The following SLC25A20 variants were observed in gnomAD, a reference collection of about 807,000 sequenced individuals.
SLC25A20 encodes solute carrier family 25 member 20, also known as mitochondrial carnitine/acylcarnitine carrier protein.
Under a neutral mutation model 39.7 loss-of-function variants are expected in SLC25A20, and 29 were observed. The ratio of observed to expected loss-of-function variants is 0.73; its 90% CI spans 0.54 to 1.00. The LOEUF is 1.00. Among genes scored for constraint, SLC25A20 ranks in the 50% least tolerant of loss-of-function variants. The pLI is 0.00. For missense variants in SLC25A20, 333 were observed against 379.9 expected (o/e 0.88, Z 1.03); for synonymous variants, 103 against 142.2 (o/e 0.72, Z 1.96).
rs1284938291 is a variant in SLC25A20 at position 48,884,037 on chromosome 3, C to T, written c.286G>A (p.Gly96Arg). ...GGGTGTTTCTGTTGTAGTTTCTTCC[C>T]CAAACCAAACCCAAAGAAGCACACG... ...FAVCFFGFGL[G>R]KKLQQKHPED... is the part of the protein sequence containing the mutation. The change falls in exon 3 of 9, where the codon GGG becomes AGG. Residue 96 changes from glycine to arginine, a missense_variant. Coordinates refer to ENST00000319017, the MANE Select transcript of SLC25A20 (RefSeq NM_000387.6). 2 of 1,613,774 alleles carry T rather than the reference C, an allele frequency of 1.2e-6. No homozygotes were observed. Among genetic ancestry groups the T allele is most frequent in the Non-Finnish European group, 1.7e-6 (2 of 1,179,920 alleles).
chr3:48,872,874 C>T (rs2083727025), intron 4 of SLC25A20, among the ~76,000 whole-genome samples: 1 of 151,334 alleles, frequency 6.6e-6, no homozygotes, highest in South Asian at 2.1e-4. Context: ...AAAACAAAAA[C>T]AAATTGACTC....
At chr3:48,859,239 C>A in intron 6 of SLC25A20, 38 bp from the exon 7 acceptor site, 2 of 1,569,364 alleles carry the variant, frequency 1.3e-6, no homozygotes, top group Non-Finnish European at 1.8e-6. Flanking sequence ...TAGACAAAGG[C>A]TGTGAGAGTG....
chr3:48,862,545 G>T lies in SLC25A20; in HGVS notation c.532C>A (p.Arg178=), dbSNP rs778220325. 12 of 1,607,198 alleles carry T rather than the reference G, an allele frequency of 7.5e-6. No homozygotes were observed. Among genetic ancestry groups the T allele is most frequent in the Non-Finnish European group, 1.0e-5 (12 of 1,173,802 alleles). ...AAGTGGAGGCCTGAAAGGTTACCTC[G>T]CATAAGGGTAAGCACAGTCCCTTTG... ...IYKGTVLTLM[R]DVPASGMYFM... is the part of the protein sequence containing the mutation. The change falls in exon 5 of 9, where the codon CGA becomes AGA. Residue 178 remains arginine (R), a synonymous_variant. Transcript: ENST00000319017.
chr3:48,891,503 G>A (rs1260012389), intron 2 of SLC25A20, among the ~76,000 whole-genome samples: 1 of 152,060 alleles, frequency 6.6e-6, no homozygotes, highest in African/African-American at 2.4e-5. Flanking sequence ...GAGTGGCTGG[G>A]ACTACAGATG....
rs1275990804 is a variant in SLC25A20, at chr3:48,858,494, G to A, written c.843+13C>T. 6.2e-7 allele frequency: 1 copy of A among 1,614,004 alleles called. No individual in the cohort carries two copies. The highest frequency in any genetic ancestry group is 2.2e-5 in the East Asian group (1 of 44,902). On this transcript the variant is annotated intron_variant, in intron 8 of 8. Coordinates refer to ENST00000319017, the MANE Select transcript of SLC25A20 (RefSeq NM_000387.6). ...AGCCCCAGAGGGAAAGCACAGCCCTGCCAGCTACTCACCGCATTGGCTGGG... is the reference window on the plus strand; with the variant it reads ...AGCCCCAGAGGGAAAGCACAGCCCTACCAGCTACTCACCGCATTGGCTGGG...
Position 48,861,464 on chromosome 3 carries a change from C to T in SLC25A20, c.535+1078G>A, listed in dbSNP as rs182512126. Among the ~76,000 whole-genome samples the T allele has an allele frequency of 1.9e-3, 289 of 152,282 alleles. 3 individuals are homozygous for T. Among genetic ancestry groups the T allele is most frequent in the African/African-American group, 6.4e-3 (264 of 41,566 alleles). On this transcript the variant is annotated intron_variant, in intron 5 of 8. Coordinates refer to ENST00000319017, the MANE Select transcript of SLC25A20 (RefSeq NM_000387.6). ...TCCCTCAGCTGGGCTTAGTGGCTCACGCCTATAATCCTAGCACTTTGGGAG... is the reference window on the plus strand; with the variant it reads ...TCCCTCAGCTGGGCTTAGTGGCTCATGCCTATAATCCTAGCACTTTGGGAG...
chr3:48,873,627 AAAAT>A lies in SLC25A20; in HGVS notation c.417+5727_417+5730del, dbSNP rs1182142277. On this transcript the variant is annotated intron_variant, in intron 4 of 8. Transcript: ENST00000319017. ...ATGCCTTAAAAAAAACAAATAAAAT[AAAAT>A]AAAACTTGTAAAAAAAAAAACAAGA... 4.6e-5 allele frequency among the ~76,000 whole-genome samples: 7 copies of A among 151,378 alleles called. No homozygotes were observed. In the East Asian group the frequency reaches 1.4e-3, roughly 30 times the overall value.
chr3:48,886,016 A>C (rs1257518024), intron 2 of SLC25A20, among the ~76,000 whole-genome samples: 2 of 152,184 alleles, frequency 1.3e-5, no homozygotes, highest in Non-Finnish European at 2.9e-5. Context: ...AAGAAGTTAC[A>C]CAAGGAATGG....
chr3:48,871,032 G>A (rs997351249), intron 4 of SLC25A20, among the ~76,000 whole-genome samples: 1 of 150,546 alleles, frequency 6.6e-6, no homozygotes, highest in African/African-American at 2.4e-5. Context: ...TGCCATATTG[G>A]CCAGGCTGGT....
chr3:48,863,779 G>A (rs2083644178), intron 4 of SLC25A20, among the ~76,000 whole-genome samples: 1 of 152,026 alleles, frequency 6.6e-6, no homozygotes, highest in Non-Finnish European at 1.5e-5. Context: ...CACTTTGGGA[G>A]GCTGAGGCGG....
intron 3 of SLC25A20, among the ~76,000 whole-genome samples, chr3:48,881,893 TA>T (rs779301611): frequency 2.2e-4 from 34 of 152,172 alleles, no homozygotes; most frequent in Non-Finnish European, 3.5e-4. Flanking sequence ...TGCAGCTATT[TA>T]TAGAATCTAG....
chr3:48,891,622 C>T (rs2083878114), intron 2 of SLC25A20, among the ~76,000 whole-genome samples: 1 of 152,120 alleles, frequency 6.6e-6, no homozygotes, highest in Non-Finnish European at 1.5e-5. Flanking sequence ...ATCCACCTGC[C>T]TTGGCCCCCA....
intron 5 of SLC25A20, 129 bp from the exon 6 acceptor site, chr3:48,859,756 C>T: frequency 1.3e-6 from 1 of 749,778 alleles, no homozygotes; most frequent in Non-Finnish European, 2.4e-6. Context: ...GAGGTCCGCG[C>T]TTGGCCTGAA....
Position 48,884,034 on chromosome 3 carries a change from TCC to T in SLC25A20, c.287_288del (p.Gly96GlufsTer87). 1 of 1,613,912 alleles carries T rather than the reference TCC, an allele frequency of 6.2e-7. No homozygotes were observed. Among genetic ancestry groups the T allele is most frequent in the East Asian group, 2.2e-5 (1 of 44,856 alleles). ...TCTGGGTGTTTCTGTTGTAGTTTCT[TCC>T]CCAAACCAAACCCAAAGAAGCACAC... ...FAVCFFGFGL[G>X]KKLQQKHPED... On this transcript the variant is annotated frameshift_variant, in exon 3 of 9. Transcript: ENST00000319017. LOFTEE classifies it high-confidence loss of function.
rs71077746 is a variant in SLC25A20, at chr3:48,871,982, A to ATTTT, written c.417+7372_417+7375dup. ...AGGTGCATACCACCATGCCCAGCTA[A>ATTTT]TTTTTTTTTTTTTTTTTTTTTTTTT... is the stretch of plus-strand genomic sequence containing the variant. On this transcript the variant is annotated intron_variant, in intron 4 of 8. Transcript: ENST00000319017. 3.0e-3 allele frequency among the ~76,000 whole-genome samples: 168 copies of ATTTT among 56,716 alleles called. 6 individuals carry two copies. Among genetic ancestry groups the ATTTT allele is most frequent in the African/African-American group, 9.0e-3 (135 of 14,944 alleles). 37.2% of individuals were successfully genotyped at this position (56,716 alleles called of 152,430 possible). A position where few individuals can be genotyped will look rare whatever the true frequency, so the allele number is the denominator to read the frequency against.
intron 4 of SLC25A20, among the ~76,000 whole-genome samples, chr3:48,878,273 A>AAT (rs201286551): frequency 3.1e-3 from 397 of 127,604 alleles, no homozygotes; most frequent in Non-Finnish European, 5.3e-3. Context: ...AAAAAAAAAA[A>AAT]ATATATATAT....
At chr3:48,867,611 T>C (rs1255244044) in intron 4 of SLC25A20, among the ~76,000 whole-genome samples, 1 of 149,992 alleles carries the variant, frequency 6.7e-6, no homozygotes, top group African/African-American at 2.5e-5. Flanking sequence ...TTATTCCTGA[T>C]GAGAATGATC....
chr3:48,881,127 G>A (rs573411308), intron 3 of SLC25A20, among the ~76,000 whole-genome samples: 2 of 152,198 alleles, frequency 1.3e-5, no homozygotes, highest in African/African-American at 4.8e-5. Context: ...GTTCACTCCA[G>A]GCAGGGCACC....
At chr3:48,893,062 TGTCACTCAGG>T (rs1449257046) in intron 1 of SLC25A20, among the ~76,000 whole-genome samples, 1 of 151,926 alleles carries the variant, frequency 6.6e-6, no homozygotes, top group Admixed American at 6.6e-5. Flanking sequence ...GGTTTCACTC[TGTCACTCAGG>T]CTGGAGTGCG....
Sources: allele counts gnomAD v4.1 joint callset (sites outside exome capture counted in the v4.1 genomes callset), GRCh38; gene constraint gnomAD v4.1.1; transcripts MANE v1.5; gene names NCBI Gene and HGNC (gene_info 2026-07-23, HGNC 2026-07-21).